Variants in SDHA observed in about 807,000 individuals in gnomAD.
SDHA encodes succinate dehydrogenase complex flavoprotein subunit A, also known as succinate dehydrogenase [ubiquinone] flavoprotein subunit, mitochondrial.
Under a neutral mutation model 78.4 loss-of-function variants are expected in SDHA, and 48 were observed. The ratio of observed to expected loss-of-function variants is 0.61; its 90% confidence interval spans 0.49 to 0.78. The LOEUF (loss-of-function observed/expected upper bound fraction) is 0.78, where lower values mean the gene tolerates loss of function less well. Among genes scored for constraint, SDHA ranks in the 30% least tolerant of loss-of-function variants. The pLI, the probability that SDHA is intolerant of heterozygous loss-of-function variation, is 0.00. For missense variants in SDHA, 680 were observed against 892.7 expected (o/e 0.76, Z 3.04); for synonymous variants, 326 against 353.9 (o/e 0.92, Z 0.88).
At chr5:241,535 T>G (rs533228779) in intron 11 of SDHA, among the ~76,000 whole-genome samples, 1 of 152,304 alleles carries the variant, frequency 6.6e-6, no homozygotes, top group East Asian at 1.9e-4. Flanking sequence ...TTCCGAGTGT[T>G]TGCCATCCAG....
At position 231,855 on chromosome 5, in the gene SDHA, TG is replaced by T. The variant is rs1462187193; in HGVS notation, c.895+858del. Among the ~76,000 whole-genome samples, 8 of 152,188 alleles carry T rather than the reference TG, an allele frequency of 5.3e-5. No individual in the cohort carries two copies. In the East Asian group the frequency reaches 1.3e-3, roughly 26 times the overall value. On this transcript the variant is annotated intron_variant, in intron 7 of 14. Coordinates refer to ENST00000264932, the MANE Select transcript of SDHA (RefSeq NM_004168.4). ...CAGAACCCCATGTGACATTGGGCGC[TG>T]GGCTCAGCCCACGTGACCACTGAGA... is the stretch of plus-strand genomic sequence containing the variant.
At chr5:224,603 C>A in intron 3 of SDHA, 82 bp downstream of exon 3, 1 of 1,429,864 alleles carries the variant, frequency 7.0e-7, no homozygotes, top group Non-Finnish European at 9.8e-7. Context: ...CAGCCCCCTG[C>A]CTCCTCCCCC....
rs770138551 is a variant in SDHA at position 218,344 on chromosome 5, G to A, written c.-12G>A. 5 of 1,449,358 alleles carry A rather than the reference G, an allele frequency of 3.4e-6. No homozygotes were observed. In the South Asian group the frequency reaches 4.3e-5, roughly 12 times the overall value. The allele number at this position is 1,449,358 out of a possible 1,614,324, so 89.8% of individuals were successfully genotyped here. A position where few individuals can be genotyped will look rare whatever the true frequency, so the allele number is the denominator to read the frequency against. On this transcript the variant is annotated 5_prime_UTR_variant, in exon 1 of 15. Coordinates refer to ENST00000264932, the MANE Select transcript of SDHA (RefSeq NM_004168.4). ...CAGGGACTGGCGGGACTGCGCGGCG[G>A]CAACAGCAGACATGTCGGGGGTCCG...
intron 1 of SDHA, among the ~76,000 whole-genome samples, chr5:221,252 C>G (rs1295989087): frequency 2.6e-5 from 4 of 152,230 alleles, no homozygotes; most frequent in Non-Finnish European, 5.9e-5. Flanking sequence ...ATTCCTGTTT[C>G]TGATACTGAC....
At chr5:268,251 CG>C in the SDHA span, among the ~76,000 whole-genome samples, 1 of 151,262 alleles carries the variant, frequency 6.6e-6, no homozygotes, top group Non-Finnish European at 1.5e-5. Flanking sequence ...GGTGCAATCT[CG>C]GCTCACTGCA....
chr5:258,929 C>A (rs372150033), downstream of SDHA, among the ~76,000 whole-genome samples: 169 of 21,678 alleles, frequency 7.8e-3, 1 homozygote, highest in South Asian at 9.9e-3. Flanking sequence ...GCCTCCCGTC[C>A]GAGCATTACC....
chr5:225,648 A>G, intron 4 of SDHA, 86 bp downstream of exon 4: 1 of 1,589,130 alleles, frequency 6.3e-7, no homozygotes, highest in Non-Finnish European at 8.6e-7. Context: ...ATTGAGGCGG[A>G]TGTGGCAGCC....
At position 246,385 on chromosome 5, in the gene SDHA, C is replaced by T. The variant is rs116774159; in HGVS notation, c.1552-4607C>T. 3.1e-3 allele frequency among the ~76,000 whole-genome samples: 469 copies of T among 150,056 alleles called. 19 individuals carry two copies. Among genetic ancestry groups the T allele is most frequent in the African/African-American group, 0.011 (438 of 40,174 alleles). Reference sequence around the variant, plus strand: ...AGAGAAGACTTGAGCTGCAGCTGATCGAAACGCAAGGCCGTAAAGCCCAAA... The same window carrying T: ...AGAGAAGACTTGAGCTGCAGCTGATTGAAACGCAAGGCCGTAAAGCCCAAA... On this transcript the variant is annotated intron_variant, in intron 11 of 14. Coordinates refer to ENST00000264932, the MANE Select transcript of SDHA (RefSeq NM_004168.4).
downstream of SDHA, among the ~76,000 whole-genome samples, chr5:257,244 ATTG>A (rs1737262016): frequency 6.6e-6 from 1 of 152,166 alleles, no homozygotes; most frequent in Non-Finnish European, 1.5e-5. Flanking sequence ...CAGGCCACAG[ATTG>A]TTACCAGTCC....
chr5:241,106 G>A (rs905680135), intron 11 of SDHA, among the ~76,000 whole-genome samples: 20 of 152,226 alleles, frequency 1.3e-4, no homozygotes, highest in Middle Eastern at 3.4e-3. Context: ...CACATAGAAG[G>A]TCGGCAGACT....
At chr5:266,929 G>A in the SDHA span, among the ~76,000 whole-genome samples, 1 of 152,190 alleles carries the variant, frequency 6.6e-6, no homozygotes, top group Non-Finnish European at 1.5e-5. Context: ...CTGTGTCTAA[G>A]ATATTCAGAC....
chr5:242,615 G>A (rs544766851), intron 11 of SDHA, among the ~76,000 whole-genome samples: 7 of 152,242 alleles, frequency 4.6e-5, no homozygotes, highest in South Asian at 2.1e-4. Flanking sequence ...CTCTAGCGCC[G>A]CTGGGTTAGG....
the SDHA span, among the ~76,000 whole-genome samples, chr5:268,708 A>G: frequency 6.6e-6 from 1 of 152,152 alleles, no homozygotes; most frequent in Non-Finnish European, 1.5e-5. Context: ...AAATATTATA[A>G]GGGTGGATTA....
intron 11 of SDHA, among the ~76,000 whole-genome samples, chr5:247,649 G>A (rs919244699): frequency 5.3e-5 from 8 of 152,200 alleles, no homozygotes; most frequent in Admixed American, 2.6e-4. Flanking sequence ...ATGTTCCCTC[G>A]TTTGGGAGAC....
At chr5:218,589 G>A (rs1461642957) in intron 1 of SDHA, among the ~76,000 whole-genome samples, 171 bp downstream of exon 1, 1 of 152,186 alleles carries the variant, frequency 6.6e-6, no homozygotes, top group African/African-American at 2.4e-5. Context: ...GAAGCCGCGG[G>A]GCGGACTCGG....
intron 11 of SDHA, among the ~76,000 whole-genome samples, chr5:247,548 A>G (rs968226885): frequency 1.3e-5 from 2 of 152,264 alleles, no homozygotes; most frequent in African/African-American, 2.4e-5. Context: ...GCGATGCCCA[A>G]CTTGCCAAAT....
At chr5:231,163 A>G (rs1015363761) in intron 7 of SDHA, among the ~76,000 whole-genome samples, 163 bp downstream of exon 7, 17 of 152,074 alleles carry the variant, frequency 1.1e-4, no homozygotes, top group African/African-American at 4.1e-4. Flanking sequence ...ACCTAAGGAG[A>G]CTTTTCCCAC....
intron 11 of SDHA, among the ~76,000 whole-genome samples, 191 bp downstream of exon 11, chr5:240,667 T>C (rs1736081553): frequency 6.6e-6 from 1 of 152,182 alleles, no homozygotes; most frequent in African/African-American, 2.4e-5. Context: ...AGTAGGTAAT[T>C]GTTCAACCCC....
intron 11 of SDHA, chr5:249,382 A>G (rs1251947756): frequency 2.0e-4 from 38 of 185,436 alleles, no homozygotes; most frequent in Non-Finnish European, 3.4e-4. Context: ...GGCCATAAAC[A>G]AAATCTCTGC....
Sources: gnomAD v4.1 joint callset for allele counts (sites outside exome capture counted in the v4.1 genomes callset) on GRCh38, gnomAD v4.1.1 for gene constraint, MANE v1.5 for transcripts, NCBI Gene and HGNC (gene_info 2026-07-23, HGNC 2026-07-21) for gene names.